CCDC7: variants seen among roughly 807,000 people sequenced by gnomAD.
CCDC7 encodes coiled-coil domain-containing protein 7.
In CCDC7, 183 loss-of-function variants were observed where a neutral mutation model predicts 196.9. That is an observed-to-expected ratio of 0.93 (90% CI 0.82 to 1.05). CCDC7 has a LOEUF of 1.05. Ranked by LOEUF, CCDC7 falls within the 50% of genes least tolerant of loss-of-function variation. The pLI, the probability that CCDC7 is intolerant of heterozygous loss-of-function variation, is 0.00. For missense variants in CCDC7, 1,540 were observed against 1,482.2 expected (o/e 1.04, Z -0.64); for synonymous variants, 525 against 484.6 (o/e 1.08, Z -1.10).
chr10:32,817,563 A>T (rs1414825023), intron 31 of CCDC7, among the ~76,000 whole-genome samples: 5 of 150,810 alleles, frequency 3.3e-5, no homozygotes, highest in Non-Finnish European at 7.4e-5. Flanking sequence ...AAATGAAGGA[A>T]AAAATGTTAA....
At chr10:32,503,901 T>TGTTC (rs374518517) in intron 9 of CCDC7, among the ~76,000 whole-genome samples, 6,308 of 152,058 alleles carry the variant, frequency 0.041, 434 homozygotes, top group African/African-American at 0.14. Context: ...TTCAGTTTGT[T>TGTTC]AGAATGTAAT....
intron 23 of CCDC7, among the ~76,000 whole-genome samples, chr10:32,690,497 G>A (rs1019486190): frequency 2.0e-5 from 3 of 152,178 alleles, no homozygotes; most frequent in African/African-American, 7.2e-5. Context: ...TATGACAACT[G>A]TAGTCACTTG....
intron 20 of CCDC7, among the ~76,000 whole-genome samples, chr10:32,640,076 G>A (rs927146812): frequency 2.0e-5 from 3 of 152,200 alleles, no homozygotes; most frequent in African/African-American, 7.2e-5. Context: ...GCAGAGCTGA[G>A]TTCAGTTCCT....
chr10:32,818,130 G>A (rs910897846), intron 31 of CCDC7, among the ~76,000 whole-genome samples: 1 of 152,068 alleles, frequency 6.6e-6, no homozygotes, highest in African/African-American at 2.4e-5. Context: ...TCAAAATAAA[G>A]GGATGGAGGA....
chr10:32,792,990 C>G (rs1231413084), intron 29 of CCDC7, among the ~76,000 whole-genome samples: 1 of 152,126 alleles, frequency 6.6e-6, no homozygotes, highest in Non-Finnish European at 1.5e-5. Context: ...AAGTTCTTAC[C>G]TATAAATAAC....
At chr10:32,760,311 C>T (rs996373996) in intron 28 of CCDC7, among the ~76,000 whole-genome samples, 1 of 152,052 alleles carries the variant, frequency 6.6e-6, no homozygotes, top group Non-Finnish European at 1.5e-5. Context: ...TTTATTGTGG[C>T]ACTATTCACA....
intron 31 of CCDC7, among the ~76,000 whole-genome samples, chr10:32,822,890 A>G (rs2135652966): frequency 6.6e-6 from 1 of 152,298 alleles, no homozygotes; most frequent in Non-Finnish European, 1.5e-5. Context: ...TTACTAGTTG[A>G]TAAATTTCTC....
chr10:32,688,902 C>G (rs551137686), intron 22 of CCDC7, 151 bp from the exon 24 acceptor site: 316 of 585,880 alleles, frequency 5.4e-4, no homozygotes, highest in Non-Finnish European at 5.2e-4. Context: ...CTCTTCTCAC[C>G]ATTTTCATAG....
At chr10:32,558,465 C>G (rs962362953) in intron 13 of CCDC7, among the ~76,000 whole-genome samples, 2 of 152,044 alleles carry the variant, frequency 1.3e-5, no homozygotes, top group Non-Finnish European at 2.9e-5. Context: ...GGCTCCCTAT[C>G]TTATCTTCTT....
intron 28 of CCDC7, among the ~76,000 whole-genome samples, chr10:32,742,517 C>T (rs1415192363): frequency 6.6e-6 from 1 of 152,190 alleles, no homozygotes; most frequent in Non-Finnish European, 1.5e-5. Flanking sequence ...CCCCTAACTC[C>T]TCACAACCAC....
At chr10:32,639,629 GTT>G (rs552548575) in intron 20 of CCDC7, among the ~76,000 whole-genome samples, 7 of 133,250 alleles carry the variant, frequency 5.3e-5, no homozygotes, top group Middle Eastern at 3.9e-3. Context: ...TTTCTGTTCT[GTT>G]TTTTTTTTTT....
intron 28 of CCDC7, among the ~76,000 whole-genome samples, chr10:32,749,985 G>A (rs943380354): frequency 1.3e-5 from 2 of 151,982 alleles, no homozygotes; most frequent in African/African-American, 4.8e-5. Flanking sequence ...CAGTTTTCTT[G>A]TTTCCTCTTA....
intron 28 of CCDC7, among the ~76,000 whole-genome samples, chr10:32,745,613 C>T (rs1163031125): frequency 2.0e-5 from 3 of 152,166 alleles, no homozygotes; most frequent in Non-Finnish European, 2.9e-5. Flanking sequence ...GACCTAAATA[C>T]CTAACACCAG....
At chr10:32,844,856 TAAA>T (rs903415707) in intron 33 of CCDC7, among the ~76,000 whole-genome samples, 1 of 151,762 alleles carries the variant, frequency 6.6e-6, no homozygotes, top group African/African-American at 2.4e-5. Context: ...ACTATAATAA[TAAA>T]AACTCACATG....
At chr10:32,570,784 T>C (rs2057443948) in intron 15 of CCDC7, among the ~76,000 whole-genome samples, 1 of 152,144 alleles carries the variant, frequency 6.6e-6, no homozygotes, top group Admixed American at 6.5e-5. Flanking sequence ...AGACTAACAA[T>C]GTGTCTAAGA....
At chr10:32,747,108 A>G (rs1261052393) in intron 28 of CCDC7, among the ~76,000 whole-genome samples, 1 of 152,234 alleles carries the variant, frequency 6.6e-6, no homozygotes, top group Non-Finnish European at 1.5e-5. Flanking sequence ...CTGCAAGCAT[A>G]GCAGGTGTTT....
exon 29 of CCDC7, chr10:32,778,992 C>G: frequency 1.3e-6 from 2 of 1,549,368 alleles, no homozygotes; most frequent in Non-Finnish European, 1.7e-6. Context: ...AATGAAGCAG[C>G]CTCAGAACTT....
rs191398095 is a variant in CCDC7 at position 32,528,434 on chromosome 10, C to G, written c.993+9929C>G. Among the ~76,000 whole-genome samples, 250 of 148,258 alleles carry G rather than the reference C, an allele frequency of 1.7e-3. 2 individuals are homozygous for G. The highest frequency in any genetic ancestry group is 6.0e-3 in the African/African-American group (240 of 40,164). On this transcript the variant is annotated intron_variant, in intron 11 of 41. Transcript: ENST00000639629. ...ATCCTTTCCCCCGAGTCCTCAACAC[C>G]CATTGCATTATTCTTATGCCTTTGC...
At chr10:32,514,860 T>A (rs1564517699) in intron 9 of CCDC7, among the ~76,000 whole-genome samples, 1 of 152,224 alleles carries the variant, frequency 6.6e-6, no homozygotes, top group East Asian at 1.9e-4. Context: ...GGTCTCACTC[T>A]GTCACCCAGG....
Sources: gnomAD v4.1 joint callset for allele counts (sites outside exome capture counted in the v4.1 genomes callset) on GRCh38, gnomAD v4.1.1 for gene constraint, MANE v1.5 for transcripts, NCBI Gene and HGNC (gene_info 2026-07-23, HGNC 2026-07-21) for gene names.